SLC9D1: variants seen among roughly 807,000 people sequenced by gnomAD.
The protein encoded by SLC9D1 is solute carrier family 9 member D1.
chr13:113,497,901 GT>G, the SLC9D1 span, among the ~76,000 whole-genome samples: 1 of 152,186 alleles, frequency 6.6e-6, no homozygotes, highest in Non-Finnish European at 1.5e-5. Context: ...AATGCTGTTG[GT>G]TTCTACATGT....
chr13:113,532,688 G>C, the SLC9D1 span, among the ~76,000 whole-genome samples: 5 of 152,232 alleles, frequency 3.3e-5, no homozygotes, highest in Non-Finnish European at 7.4e-5. Flanking sequence ...CCGTGAGTCT[G>C]TCTCCGTTCC....
chr13:113,526,776 G>A, the SLC9D1 span, among the ~76,000 whole-genome samples: 12 of 152,352 alleles, frequency 7.9e-5, no homozygotes, highest in East Asian at 7.7e-4. Context: ...TTACAGTAGT[G>A]TCCAAGGCTC....
the SLC9D1 span, chr13:113,510,178 G>T: frequency 1.4e-6 from 2 of 1,458,702 alleles, no homozygotes; most frequent in Non-Finnish European, 1.9e-6. Flanking sequence ...TGAAGTCTGT[G>T]TGGTGTGGTC....
At chr13:113,531,429 G>A in the SLC9D1 span, among the ~76,000 whole-genome samples, 4 of 152,202 alleles carry the variant, frequency 2.6e-5, no homozygotes, top group African/African-American at 9.7e-5. Context: ...CAGATCAAGA[G>A]CAGCACACGC....
chr13:113,548,450 G>A, the SLC9D1 span: 1 of 1,603,724 alleles, frequency 6.2e-7, no homozygotes, highest in Non-Finnish European at 8.5e-7. Flanking sequence ...CATCTCTCGG[G>A]AGGTGAGTGG....
At chr13:113,520,713 G>T in the SLC9D1 span, 2 of 1,612,934 alleles carry the variant, frequency 1.2e-6, no homozygotes, top group African/African-American at 2.7e-5. Flanking sequence ...TCATACAGGC[G>T]GGCGCCAGTG....
At chr13:113,538,540 C>A in the SLC9D1 span, among the ~76,000 whole-genome samples, 3 of 152,344 alleles carry the variant, frequency 2.0e-5, no homozygotes, top group Middle Eastern at 3.4e-3. Flanking sequence ...TCCGCCGCTC[C>A]GCCGTGCTGA....
chr13:113,523,031 A>G, the SLC9D1 span, among the ~76,000 whole-genome samples: 1 of 151,908 alleles, frequency 6.6e-6, no homozygotes, highest in Non-Finnish European at 1.5e-5. Context: ...GTATATAATT[A>G]TTTTTATACA....
At chr13:113,522,331 T>TTTG in the SLC9D1 span, among the ~76,000 whole-genome samples, 228 of 152,192 alleles carry the variant, frequency 1.5e-3, no homozygotes, top group East Asian at 4.8e-3. Flanking sequence ...GTAATTTTTC[T>TTTG]TTGTTGTTGT....
At chr13:113,539,243 G>T in the SLC9D1 span, 1 of 991,252 alleles carries the variant, frequency 1.0e-6, no homozygotes, top group Non-Finnish European at 1.5e-6. This position sits in a 1 kb window ranked among gnomAD's most constrained non-coding sequence, Gnocchi z 4.8. Flanking sequence ...CTCTGTTTGT[G>T]CAGCTTCTGT....
the SLC9D1 span, chr13:113,534,807 T>C: frequency 0.79 from 118,400 of 150,810 alleles, 47,163 homozygotes; most frequent in African/African-American, 0.94. Context: ...AACGGCCGGG[T>C]GTGGTGGCTC....
the SLC9D1 span, among the ~76,000 whole-genome samples, chr13:113,507,149 G>A: frequency 0.18 from 27,937 of 151,608 alleles, 3,377 homozygotes; most frequent in African/African-American, 0.35. Context: ...AGGGTCTCCC[G>A]GTCCCAACTC....
chr13:113,511,525 C>T, the SLC9D1 span, among the ~76,000 whole-genome samples: 7 of 152,294 alleles, frequency 4.6e-5, no homozygotes, highest in Admixed American at 6.5e-5. Context: ...TAAAAATCTG[C>T]GGCTTTCTGC....
At chr13:113,504,893 T>A in the SLC9D1 span, 4 of 152,200 alleles carry the variant, frequency 2.6e-5, no homozygotes, top group African/African-American at 9.7e-5. Context: ...CACACTGTTT[T>A]CCTTAGTGGT....
At chr13:113,546,459 G>A in the SLC9D1 span, among the ~76,000 whole-genome samples, 7 of 152,156 alleles carry the variant, frequency 4.6e-5, no homozygotes, top group Non-Finnish European at 5.9e-5. This position sits in a 1 kb window ranked among gnomAD's most constrained non-coding sequence, Gnocchi z 7.1. Flanking sequence ...TAGAAGACTG[G>A]GTGGCCAGAG....
chr13:113,495,758 G>T, the SLC9D1 span: 1 of 1,614,114 alleles, frequency 6.2e-7, no homozygotes, highest in South Asian at 1.1e-5. Context: ...AGCTCTCAGG[G>T]CTTCTCCGCC....
At chr13:113,518,319 C>T in the SLC9D1 span, among the ~76,000 whole-genome samples, 4 of 150,970 alleles carry the variant, frequency 2.6e-5, no homozygotes, top group Non-Finnish European at 5.9e-5. Context: ...GGTGTGGACT[C>T]GGGGTCCTGC....
chr13:113,513,510 G>A, the SLC9D1 span, among the ~76,000 whole-genome samples: 3 of 152,292 alleles, frequency 2.0e-5, no homozygotes, highest in South Asian at 6.2e-4. Flanking sequence ...TAGGAGGGTT[G>A]CATGTTTGGG....
the SLC9D1 span, among the ~76,000 whole-genome samples, chr13:113,517,377 C>T: frequency 3.6e-4 from 55 of 152,196 alleles, 1 homozygote; most frequent in South Asian, 6.2e-4. Context: ...GGACTACAGG[C>T]GCCCGCCACC....
Sources: allele counts gnomAD v4.1 joint callset (sites outside exome capture counted in the v4.1 genomes callset), GRCh38; gene constraint gnomAD v4.1.1; non-coding constraint Gnocchi (gnomAD v3.1); transcripts MANE v1.5; gene names NCBI Gene and HGNC (gene_info 2026-07-23, HGNC 2026-07-21).